PTK2: variants seen among roughly 807,000 people sequenced by gnomAD.
PTK2 encodes focal adhesion kinase 1.
PTK2 carries 45 observed loss-of-function variants against 150.1 expected under a neutral mutation model. The ratio of observed to expected loss-of-function variants is 0.30; its 90% CI spans 0.24 to 0.38. The LOEUF is 0.38. Among genes scored for constraint, PTK2 ranks in the 10% least tolerant of loss-of-function variants. The pLI is 1.00. For synonymous variants in PTK2, 432 were observed against 449.2 expected (o/e 0.96, Z 0.48); for missense variants, 919 against 1,307.3 (o/e 0.70, Z 4.58).
intron 1 of PTK2, among the ~76,000 whole-genome samples, chr8:140,974,836 C>T (rs1003472761): frequency 1.4e-4 from 21 of 152,078 alleles, no homozygotes; most frequent in African/African-American, 4.8e-4. Flanking sequence ...ACAATGTTCC[C>T]TCATCAAAGC....
chr8:140,820,489 A>G (rs1174340719), intron 8 of PTK2: 2 of 152,686 alleles, frequency 1.3e-5, no homozygotes, highest in African/African-American at 2.4e-5. Flanking sequence ...CAACCCAAAT[A>G]ATCCAGGCAG....
chr8:140,801,586 T>G (rs576923344), intron 11 of PTK2, among the ~76,000 whole-genome samples: 1 of 152,336 alleles, frequency 6.6e-6, no homozygotes, highest in East Asian at 1.9e-4. Flanking sequence ...AGTATCTACT[T>G]CCTTGGTTGT....
chr8:140,802,831 C>A (rs182049311), intron 11 of PTK2, among the ~76,000 whole-genome samples: 1 of 151,988 alleles, frequency 6.6e-6, no homozygotes, highest in African/African-American at 2.4e-5. Flanking sequence ...TATTGTATAG[C>A]CTAGGTGTAC....
intron 13 of PTK2, among the ~76,000 whole-genome samples, chr8:140,792,845 A>C (rs2100089321): frequency 6.6e-6 from 1 of 152,242 alleles, no homozygotes; most frequent in African/African-American, 2.4e-5. Context: ...CTGATTGTTT[A>C]GATTTTAACA....
chr8:140,705,520 G>A (rs890270044), intron 24 of PTK2, among the ~76,000 whole-genome samples: 5 of 152,174 alleles, frequency 3.3e-5, no homozygotes, highest in Admixed American at 6.5e-5. Context: ...TCACAGACAC[G>A]CTCTATATCC....
At chr8:140,795,537 T>C (rs1413044813) in intron 12 of PTK2, among the ~76,000 whole-genome samples, 1 of 152,212 alleles carries the variant, frequency 6.6e-6, no homozygotes, top group Non-Finnish European at 1.5e-5. Flanking sequence ...CTTTCTTCCC[T>C]GTCTTATTTT....
chr8:140,942,399 G>A (rs921123818), intron 1 of PTK2, among the ~76,000 whole-genome samples: 7 of 152,106 alleles, frequency 4.6e-5, no homozygotes, highest in Non-Finnish European at 8.8e-5. Context: ...TTTTATTTCT[G>A]CTAATTATAT....
intron 5 of PTK2, among the ~76,000 whole-genome samples, chr8:140,852,614 T>C (rs2100130006): frequency 1.3e-5 from 2 of 152,258 alleles, no homozygotes; most frequent in African/African-American, 4.8e-5. Flanking sequence ...ACTTAAATTA[T>C]TTTATTGTAT....
chr8:140,807,269 A>G (rs2100098629), intron 10 of PTK2, among the ~76,000 whole-genome samples: 1 of 152,242 alleles, frequency 6.6e-6, no homozygotes, highest in Non-Finnish European at 1.5e-5. Flanking sequence ...AAAAATATCT[A>G]ATTTATTGGA....
At chr8:140,692,834 C>A (rs1454664432) in intron 26 of PTK2, among the ~76,000 whole-genome samples, 2 of 152,170 alleles carry the variant, frequency 1.3e-5, no homozygotes, top group Non-Finnish European at 2.9e-5. Flanking sequence ...GAAGCAGGGA[C>A]AGCAGCCTGG....
chr8:140,766,872 C>T (rs1221616606), intron 14 of PTK2, among the ~76,000 whole-genome samples: 1 of 152,210 alleles, frequency 6.6e-6, no homozygotes, highest in African/African-American at 2.4e-5. Flanking sequence ...AAAATAACAT[C>T]ATCTGCCTTG....
At chr8:140,843,629 T>C (rs575378339) in intron 7 of PTK2, among the ~76,000 whole-genome samples, 5 of 152,308 alleles carry the variant, frequency 3.3e-5, no homozygotes, top group South Asian at 2.1e-4. Flanking sequence ...CATTAACTAT[T>C]TGCCATCTAT....
At chr8:140,663,507 G>A (rs2084044210) in intron 31 of PTK2, among the ~76,000 whole-genome samples, 1 of 152,140 alleles carries the variant, frequency 6.6e-6, no homozygotes, top group African/African-American at 2.4e-5. Context: ...CATCCCACAT[G>A]CGTTTGTCAA....
intron 26 of PTK2, chr8:140,686,904 A>G: frequency 1.8e-6 from 1 of 555,288 alleles, no homozygotes; most frequent in Non-Finnish European, 3.2e-6. Flanking sequence ...CGCACACCTT[A>G]CAGACTGGTA....
intron 10 of PTK2, 85 bp downstream of exon 10, chr8:140,818,192 A>T: frequency 8.0e-7 from 1 of 1,255,478 alleles, no homozygotes; most frequent in Admixed American, 1.8e-5. Context: ...TTGTAAAATG[A>T]TCTTTTCCAA....
chr8:140,708,968 CA>C (rs34259948), intron 23 of PTK2, among the ~76,000 whole-genome samples: 1,581 of 132,324 alleles, frequency 0.012, 17 homozygotes, highest in East Asian at 0.077. Flanking sequence ...TAAATTCAGG[CA>C]AAAAAAAAAA....
intron 14 of PTK2, chr8:140,770,736 G>C (rs2100075009): frequency 7.4e-7 from 1 of 1,351,748 alleles, no homozygotes; most frequent in Non-Finnish European, 9.8e-7. Context: ...AGGATCATGG[G>C]AACAGAAGAC....
At chr8:140,968,506 G>C (rs1251237164) in intron 1 of PTK2, among the ~76,000 whole-genome samples, 1 of 152,202 alleles carries the variant, frequency 6.6e-6, no homozygotes, top group Non-Finnish European at 1.5e-5. Context: ...AAACAGATTA[G>C]AGAGTTTAAG....
chr8:140,963,053 C>T (rs13265704), intron 1 of PTK2, among the ~76,000 whole-genome samples: 63,392 of 151,878 alleles, frequency 0.42, 15,144 homozygotes, highest in Non-Finnish European at 0.55. Context: ...ATTTGGCCCA[C>T]GTGCTATAGT....
Sources: allele counts gnomAD v4.1 joint callset (sites outside exome capture counted in the v4.1 genomes callset), GRCh38; gene constraint gnomAD v4.1.1; transcripts MANE v1.5; gene names NCBI Gene and HGNC (gene_info 2026-07-23, HGNC 2026-07-21).